KHDRBS2: variants seen among roughly 807,000 people sequenced by gnomAD.
KHDRBS2 encodes KH RNA binding domain containing, signal transduction associated 2.
KHDRBS2 carries 26 observed loss-of-function variants against 44.3 expected under a neutral mutation model. That is an observed-to-expected ratio of 0.59 (90% CI 0.43 to 0.81). KHDRBS2 has a LOEUF of 0.81. KHDRBS2 is among the 40% of genes least tolerant of loss of function. The pLI is 0.00. For synonymous variants in KHDRBS2, 194 were observed against 151.1 expected, an observed-to-expected ratio of 1.28 and a Z score of -2.08; for missense variants, 476 against 433.1, an observed-to-expected ratio of 1.10 and a Z score of -0.88.
intron 1 of KHDRBS2, among the ~76,000 whole-genome samples, chr6:62,177,799 CATG>C (rs1445480575): frequency 6.6e-6 from 1 of 151,098 alleles, no homozygotes; most frequent in Non-Finnish European, 1.5e-5. Context: ...AGAGAAATTG[CATG>C]ATATTTCACT....
At chr6:61,891,392 C>A (rs558181046) in intron 6 of KHDRBS2, among the ~76,000 whole-genome samples, 2 of 152,248 alleles carry the variant, frequency 1.3e-5, no homozygotes, top group East Asian at 3.9e-4. Flanking sequence ...GTCTAAAATT[C>A]TCTTTTTTTG....
chr6:61,878,912 G>T (rs1453238703), intron 6 of KHDRBS2, among the ~76,000 whole-genome samples: 2 of 151,902 alleles, frequency 1.3e-5, no homozygotes. Context: ...AAAGAATTTT[G>T]CCTAGTTTGT....
At position 62,070,445 on chromosome 6, in the gene KHDRBS2, C is replaced by T. The variant is rs572549643; in HGVS notation, c.220-22451G>A. ...TGTTGGTGTGCTGCACCCATTAACTCGTCATTTAACATTAGGTATATCTCC... is the reference window on the plus strand; with the variant it reads ...TGTTGGTGTGCTGCACCCATTAACTTGTCATTTAACATTAGGTATATCTCC... On this transcript the variant is annotated intron_variant, in intron 2 of 8. Coordinates refer to ENST00000281156, the MANE Select transcript of KHDRBS2 (RefSeq NM_152688.4). Among the ~76,000 whole-genome samples the T allele has an allele frequency of 2.6e-5, 4 of 151,878 alleles. No individual in the cohort carries two copies. The South Asian group carries it at 6.2e-4, about 24-fold the overall frequency.
At chr6:61,553,451 A>G in the KHDRBS2 span, among the ~76,000 whole-genome samples, 2,276 of 152,046 alleles carry the variant, frequency 0.015, 58 homozygotes, top group African/African-American at 0.053. Context: ...CAGAAAACCA[A>G]CAACTCCTGG....
the KHDRBS2 span, among the ~76,000 whole-genome samples, chr6:61,653,083 G>A: frequency 1.3e-5 from 2 of 151,994 alleles, no homozygotes; most frequent in Non-Finnish European, 2.9e-5. Flanking sequence ...TTAGAGACAT[G>A]GCATTTACTT....
chr6:61,976,745 C>G (rs1471029156), intron 4 of KHDRBS2, among the ~76,000 whole-genome samples: 2 of 152,094 alleles, frequency 1.3e-5, no homozygotes, highest in Admixed American at 6.6e-5. Context: ...TAGTAATGTA[C>G]AGTCCTAGTC....
At chr6:61,775,697 T>C (rs1016495938) in intron 6 of KHDRBS2, among the ~76,000 whole-genome samples, 1 of 152,104 alleles carries the variant, frequency 6.6e-6, no homozygotes, top group African/African-American at 2.4e-5. Flanking sequence ...GAATCAATAT[T>C]GCGAAAATGG....
chr6:62,074,539 C>A (rs79031557), intron 2 of KHDRBS2, among the ~76,000 whole-genome samples: 1 of 151,810 alleles, frequency 6.6e-6, no homozygotes, highest in East Asian at 1.9e-4. Context: ...ATAACAATTT[C>A]TGGTCACAAA....
chr6:61,712,797 T>C (rs1770736873), intron 7 of KHDRBS2, among the ~76,000 whole-genome samples: 1 of 151,822 alleles, frequency 6.6e-6, no homozygotes, highest in Non-Finnish European at 1.5e-5. Flanking sequence ...TACCTTTAGA[T>C]ATGGTTGTGC....
rs561806076 is a variant in KHDRBS2 at position 62,184,220 on chromosome 6, T to C, written c.92-6908A>G. Among the ~76,000 whole-genome samples the C allele has an allele frequency of 2.6e-5, 4 of 151,682 alleles. No homozygotes were observed. In the South Asian group the frequency reaches 6.2e-4, roughly 24 times the overall value. ...ATCACTTCGAAATCTAAGTCCAGAA[T>C]AAAAGGGCAAATAGACTACAATTGT... On this transcript the variant is annotated intron_variant, in intron 1 of 8. Transcript: ENST00000281156.
the KHDRBS2 span, among the ~76,000 whole-genome samples, chr6:61,560,248 G>A: frequency 6.6e-6 from 1 of 151,836 alleles, no homozygotes. Context: ...CTTTAACTTT[G>A]ACCTTTAGAA....
At chr6:61,908,224 A>C (rs939648648) in intron 4 of KHDRBS2, among the ~76,000 whole-genome samples, 8 of 152,180 alleles carry the variant, frequency 5.3e-5, no homozygotes, top group Admixed American at 2.6e-4. Context: ...AGATAGACAA[A>C]TATTTACCTA....
At chr6:62,215,053 G>A (rs1829745674) in intron 1 of KHDRBS2, among the ~76,000 whole-genome samples, 2 of 151,804 alleles carry the variant, frequency 1.3e-5, no homozygotes, top group Non-Finnish European at 2.9e-5. Context: ...TGTTTCCTTA[G>A]AAAGCTAACA....
intron 3 of KHDRBS2, among the ~76,000 whole-genome samples, chr6:62,042,713 T>C (rs752807596): frequency 6.6e-6 from 1 of 152,092 alleles, no homozygotes; most frequent in Non-Finnish European, 1.5e-5. Flanking sequence ...GATTTTACTG[T>C]TGATGAAAAT....
intron 6 of KHDRBS2, among the ~76,000 whole-genome samples, chr6:61,800,445 C>A (rs996841118): frequency 1.2e-4 from 19 of 152,046 alleles, no homozygotes; most frequent in African/African-American, 4.1e-4. Flanking sequence ...AACTGCAAAG[C>A]AAAAATATTT....
At chr6:61,564,926 G>GC in the KHDRBS2 span, among the ~76,000 whole-genome samples, 1 of 152,012 alleles carries the variant, frequency 6.6e-6, no homozygotes, top group African/African-American at 2.4e-5. Context: ...ATAGTATGGT[G>GC]CTGGCATTAA....
the KHDRBS2 span, among the ~76,000 whole-genome samples, chr6:61,666,459 T>C: frequency 6.6e-6 from 1 of 151,266 alleles, no homozygotes; most frequent in Non-Finnish European, 1.5e-5. Flanking sequence ...TATTACCAAA[T>C]ATATATATTT....
intron 2 of KHDRBS2, among the ~76,000 whole-genome samples, chr6:62,119,666 T>C (rs1400633888): frequency 6.6e-6 from 1 of 152,210 alleles, no homozygotes; most frequent in Non-Finnish European, 1.5e-5. Context: ...TTGTAAACTC[T>C]GATAAGCCTT....
chr6:61,568,156 G>A, the KHDRBS2 span, among the ~76,000 whole-genome samples: 12 of 152,066 alleles, frequency 7.9e-5, no homozygotes, highest in Non-Finnish European at 1.3e-4. Flanking sequence ...CTGTATATTT[G>A]TGGCTTTATT....
Sources: gnomAD v4.1 joint callset for allele counts (sites outside exome capture counted in the v4.1 genomes callset) on GRCh38, gnomAD v4.1.1 for gene constraint, MANE v1.5 for transcripts, NCBI Gene and HGNC (gene_info 2026-07-23, HGNC 2026-07-21) for gene names.